Variants in GLMN observed in about 807,000 individuals in gnomAD.
GLMN encodes the protein glomulin.
A neutral mutation model predicts 87.8 loss-of-function variants in GLMN; 75 were observed. That is an observed-to-expected ratio of 0.85 (90% CI 0.71 to 1.04). The LOEUF (loss-of-function observed/expected upper bound fraction) is 1.04. Ranked by LOEUF, GLMN falls within the 50% of genes least tolerant of loss-of-function variation. GLMN has a pLI of 0.00. For missense variants in GLMN, 588 were observed against 658.8 expected (o/e 0.89, Z 1.18); for synonymous variants, 206 against 221.6 (o/e 0.93, Z 0.63).
At chr1:92,341,450 G>A in the GLMN span, among the ~76,000 whole-genome samples, 1 of 152,124 alleles carries the variant, frequency 6.6e-6, no homozygotes, top group Non-Finnish European at 1.5e-5. Context: ...TATGAAAACA[G>A]GTGAAATTTT....
the GLMN span, among the ~76,000 whole-genome samples, chr1:92,365,293 TAAAC>T: frequency 1.3e-5 from 2 of 152,194 alleles, no homozygotes; most frequent in African/African-American, 2.4e-5. Context: ...GTATAACAAA[TAAAC>T]AGAACTACAC....
the GLMN span, among the ~76,000 whole-genome samples, chr1:92,325,602 A>G: frequency 2.0e-5 from 3 of 152,174 alleles, no homozygotes; most frequent in East Asian, 3.8e-4. Context: ...AAACATTTCC[A>G]TTGAAGTACA....
chr1:92,303,107 T>C (rs6661384), upstream of GLMN, among the ~76,000 whole-genome samples: 72,450 of 152,036 alleles, frequency 0.48, 18,271 homozygotes, highest in East Asian at 0.96. Context: ...TTTCTCTTTA[T>C]ATTTTTGTAA....
chr1:92,360,002 AT>A, the GLMN span, among the ~76,000 whole-genome samples: 130,973 of 151,800 alleles, frequency 0.86, 56,932 homozygotes, highest in East Asian at 1. Flanking sequence ...CAGTCTGGTA[AT>A]TTGGTAGTGT....
the GLMN span, among the ~76,000 whole-genome samples, chr1:92,327,948 CAGT>C: frequency 6.6e-6 from 1 of 152,146 alleles, no homozygotes; most frequent in Non-Finnish European, 1.5e-5. Context: ...TCTTGGCTGA[CAGT>C]TGTTTTGTTT....
chr1:92,289,549 G>C (rs1238018421), intron 5 of GLMN, among the ~76,000 whole-genome samples: 10 of 152,074 alleles, frequency 6.6e-5, no homozygotes, highest in Admixed American at 6.6e-4. Flanking sequence ...GTATGAAGCT[G>C]GCAGGCATTC....
In GLMN at chr1:92,290,308, T is replaced by C; in HGVS notation, c.286-2A>G. On this transcript the variant is annotated splice_acceptor_variant, in intron 4 of 18. Coordinates refer to ENST00000370360, the MANE Select transcript of GLMN (RefSeq NM_053274.3). LOFTEE classifies it high-confidence loss of function. ...CAATAATTCCTTTGGATTGCATAAC[T>C]ATAAAAATATTCACAATTGAACCTG... 1 of 1,518,592 alleles carries C rather than the reference T, an allele frequency of 6.6e-7. No homozygotes were observed. The highest frequency in any genetic ancestry group is 2.3e-5 in the East Asian group (1 of 44,358). 94.1% of individuals were successfully genotyped at this position (1,518,592 alleles called of 1,614,324 possible).
intron 8 of GLMN, 93 bp downstream of exon 8, chr1:92,271,372 G>A (rs944473284): frequency 1.1e-6 from 1 of 875,982 alleles, no homozygotes; most frequent in Non-Finnish European, 1.9e-6. Flanking sequence ...AAATGTATTA[G>A]TGTGTTAATA....
At chr1:92,311,830 A>G in the GLMN span, among the ~76,000 whole-genome samples, 1 of 152,230 alleles carries the variant, frequency 6.6e-6, no homozygotes, top group Non-Finnish European at 1.5e-5. Context: ...TCTTTAAAAA[A>G]TAATGTACAT....
At chr1:92,259,728 CTTTCTTTTT>C (rs895318023) in intron 16 of GLMN, among the ~76,000 whole-genome samples, 1 of 111,180 alleles carries the variant, frequency 9.0e-6, no homozygotes, top group Non-Finnish European at 1.8e-5. Flanking sequence ...TCTTTTTTTT[CTTTCTTTTT>C]TTTTTTTTTT....
chr1:92,316,916 G>A, the GLMN span, among the ~76,000 whole-genome samples: 1 of 152,194 alleles, frequency 6.6e-6, no homozygotes, highest in African/African-American at 2.4e-5. Flanking sequence ...GGGGATGAGG[G>A]AAGGTATTTA....
chr1:92,266,714 G>C lies in GLMN; in HGVS notation c.1126C>G (p.Pro376Ala). ...QGLVKVMTLC[P>A]IETLRKKSLA... is the part of the protein sequence containing the mutation. Reference sequence around the variant, plus strand: ...TATTTACATACCAGTGTCTCAATGGGGCAAAGTGTCATTACTTTCACTAAG... The same window carrying C: ...TATTTACATACCAGTGTCTCAATGGCGCAAAGTGTCATTACTTTCACTAAG... Residue 376 changes from proline (P) to alanine (A), a missense_variant, in exon 12 of 19, where the codon CCC (proline) becomes GCC (alanine). Transcript: ENST00000370360. 6.2e-7 allele frequency: 1 copy of C among 1,600,812 alleles called. No homozygotes were observed.
At chr1:92,246,953 G>T in intron 18 of GLMN, 109 bp downstream of exon 18, 2 of 761,402 alleles carry the variant, frequency 2.6e-6, no homozygotes, top group East Asian at 2.4e-5. Flanking sequence ...AGCCCAGGGA[G>T]TTGAAGCTGC....
chr1:92,250,126 A>G (rs1570819568), intron 16 of GLMN, among the ~76,000 whole-genome samples: 1 of 152,220 alleles, frequency 6.6e-6, no homozygotes, highest in African/African-American at 2.4e-5. Flanking sequence ...TTGAACATAA[A>G]GAGTATAGGG....
intron 18 of GLMN, 128 bp from the exon 19 acceptor site, chr1:92,246,774 T>TA (rs1652723570): frequency 1.4e-6 from 1 of 718,920 alleles, no homozygotes; most frequent in Admixed American, 2.0e-5. Flanking sequence ...TTTGCACCTG[T>TA]AATTCCTGTG....
Position 92,247,101 on chromosome 1 carries a change from T to A in GLMN, c.1629A>T (p.Gly543=). Residue 543 remains glycine, a synonymous_variant, in exon 18 of 19, where the codon GGA becomes GGT. Transcript: ENST00000370360. ...CAGGAGGCATATTAGGGATCTCTTC[T>A]CCACTTACAGTTATAGAACAAAGAT... ...SKDLCSITVS[G]EEIPNMPPEM... is the part of the protein sequence containing the mutation. 1.3e-6 allele frequency: 2 copies of A among 1,580,362 alleles called. No individual in the cohort carries two copies. The highest frequency in any genetic ancestry group is 1.7e-6 in the Non-Finnish European group (2 of 1,150,236).
At chr1:92,277,624 T>C (rs1343468385) in intron 7 of GLMN, among the ~76,000 whole-genome samples, 2 of 152,144 alleles carry the variant, frequency 1.3e-5, no homozygotes. Context: ...AATGATGTAA[T>C]CAATCATTCC....
intron 16 of GLMN, among the ~76,000 whole-genome samples, chr1:92,248,585 G>A (rs576044827): frequency 2.8e-4 from 42 of 152,180 alleles, no homozygotes; most frequent in African/African-American, 9.9e-4. Context: ...TTAAAAAATA[G>A]AGAAAAGAAA....
the GLMN span, among the ~76,000 whole-genome samples, chr1:92,315,631 C>A: frequency 6.6e-6 from 1 of 152,126 alleles, no homozygotes; most frequent in Non-Finnish European, 1.5e-5. Context: ...AGAGTAATAT[C>A]TTTATATCAC....
Sources: allele counts gnomAD v4.1 joint callset (sites outside exome capture counted in the v4.1 genomes callset), GRCh38; gene constraint gnomAD v4.1.1; transcripts MANE v1.5; gene names NCBI Gene and HGNC (gene_info 2026-07-23, HGNC 2026-07-21).